GRIP1: variants seen among roughly 807,000 people sequenced by gnomAD.
GRIP1 encodes the protein glutamate receptor-interacting protein 1.
In GRIP1, 45 loss-of-function variants were observed where a neutral mutation model predicts 129.9. The ratio of observed to expected loss-of-function variants is 0.35; its 90% CI spans 0.27 to 0.44. The LOEUF (loss-of-function observed/expected upper bound fraction) is 0.44, where lower values mean the gene tolerates loss of function less well. GRIP1 is among the 20% of genes least tolerant of loss of function. The pLI is 1.00. For synonymous variants in GRIP1, 530 were observed against 520.8 expected, an observed-to-expected ratio of 1.02 and a Z score of -0.24; for missense variants, 1,196 against 1,396.8, an observed-to-expected ratio of 0.86 and a Z score of 2.29.
chr12:66,490,634 A>G (rs1394955838), intron 7 of GRIP1, among the ~76,000 whole-genome samples: 1 of 152,198 alleles, frequency 6.6e-6, no homozygotes, highest in African/African-American at 2.4e-5. Context: ...TAAACTAAAG[A>G]GCTTCTGCAT....
At chr12:66,629,712 C>T (rs905478594) in intron 1 of GRIP1, among the ~76,000 whole-genome samples, 1 of 152,214 alleles carries the variant, frequency 6.6e-6, no homozygotes, top group Non-Finnish European at 1.5e-5. Context: ...GACCTACTTT[C>T]ATCCAGAAAT....
intron 1 of GRIP1, among the ~76,000 whole-genome samples, chr12:66,837,722 T>A (rs970679591): frequency 6.6e-6 from 1 of 151,912 alleles, no homozygotes; most frequent in Non-Finnish European, 1.5e-5. Context: ...TGTAGGGAGG[T>A]AGTTAGAAGC....
intron 19 of GRIP1, among the ~76,000 whole-genome samples, chr12:66,384,212 A>G (rs1369293992): frequency 6.6e-6 from 1 of 151,962 alleles, no homozygotes; most frequent in African/African-American, 2.4e-5. Flanking sequence ...AAATGTCTAG[A>G]CTTGGGTTGA....
intron 2 of GRIP1, among the ~76,000 whole-genome samples, chr12:66,559,373 C>T (rs768706724): frequency 6.6e-6 from 1 of 151,944 alleles, no homozygotes; most frequent in Non-Finnish European, 1.5e-5. Flanking sequence ...GCATCCAAAT[C>T]GGAAAGGAAG....
chr12:66,503,005 G>T (rs566662794), intron 7 of GRIP1, among the ~76,000 whole-genome samples: 1 of 152,136 alleles, frequency 6.6e-6, no homozygotes, highest in Non-Finnish European at 1.5e-5. Flanking sequence ...GGAATGTCAG[G>T]TGATTATCAG....
intron 1 of GRIP1, among the ~76,000 whole-genome samples, chr12:66,954,028 A>G (rs1376019527): frequency 6.6e-6 from 1 of 152,130 alleles, no homozygotes; most frequent in Non-Finnish European, 1.5e-5. Flanking sequence ...TTTCTCTGAG[A>G]ATTCTCCACC....
At chr12:66,519,206 C>T (rs1426391779) in intron 5 of GRIP1, among the ~76,000 whole-genome samples, 16 of 152,212 alleles carry the variant, frequency 1.1e-4, no homozygotes, top group Middle Eastern at 3.2e-3. Flanking sequence ...CTCACTTCTA[C>T]GACAAGTGAT....
At chr12:66,732,569 AC>A (rs2036473501) in intron 1 of GRIP1, among the ~76,000 whole-genome samples, 1 of 152,036 alleles carries the variant, frequency 6.6e-6, no homozygotes, top group African/African-American at 2.4e-5. Flanking sequence ...CAAAAAAAAA[AC>A]AAAAGAATGA....
At chr12:66,638,978 T>C (rs1208588998) in intron 1 of GRIP1, among the ~76,000 whole-genome samples, 1 of 152,226 alleles carries the variant, frequency 6.6e-6, no homozygotes, top group East Asian at 1.9e-4. Flanking sequence ...CTACGAGGAT[T>C]AAACAATATA....
chr12:66,910,184 C>T (rs1361711254), intron 1 of GRIP1, among the ~76,000 whole-genome samples: 2 of 152,144 alleles, frequency 1.3e-5, no homozygotes, highest in Admixed American at 1.3e-4. Context: ...TCCTAGCATT[C>T]ATTATTCTCC....
At chr12:66,830,724 A>G (rs1471230380) in intron 1 of GRIP1, among the ~76,000 whole-genome samples, 1 of 151,506 alleles carries the variant, frequency 6.6e-6, no homozygotes, top group Non-Finnish European at 1.5e-5. Flanking sequence ...AGAAAACAGA[A>G]GCACAGGGAA....
At chr12:66,703,571 T>C (rs2035426364) in intron 1 of GRIP1, among the ~76,000 whole-genome samples, 1 of 151,718 alleles carries the variant, frequency 6.6e-6, no homozygotes, top group African/African-American at 2.4e-5. Flanking sequence ...GGAATATGAA[T>C]GACAGAGGAT....
intron 23 of GRIP1, among the ~76,000 whole-genome samples, chr12:66,358,213 C>G (rs1222301923): frequency 6.6e-6 from 1 of 152,072 alleles, no homozygotes; most frequent in East Asian, 1.9e-4. Flanking sequence ...GCATTTCAAT[C>G]AGTTGCATTA....
chr12:66,503,995 G>A (rs907725265), intron 7 of GRIP1, among the ~76,000 whole-genome samples: 5 of 150,416 alleles, frequency 3.3e-5, no homozygotes, highest in African/African-American at 4.9e-5. Flanking sequence ...TGTGTAGAGC[G>A]GGAATCACAA....
At chr12:66,790,536 G>A (rs2038498030) in intron 1 of GRIP1, among the ~76,000 whole-genome samples, 3 of 152,080 alleles carry the variant, frequency 2.0e-5, no homozygotes, top group Admixed American at 6.6e-5. Flanking sequence ...TACCCCGGGT[G>A]CAGAGGGAAT....
At chr12:66,710,852 A>G (rs1162457203) in intron 1 of GRIP1, among the ~76,000 whole-genome samples, 1 of 151,954 alleles carries the variant, frequency 6.6e-6, no homozygotes, top group Admixed American at 6.6e-5. Context: ...ATGAGTTTGA[A>G]TATCTCTGAA....
chr12:66,724,636 T>C (rs1488664653), intron 1 of GRIP1, among the ~76,000 whole-genome samples: 2 of 152,170 alleles, frequency 1.3e-5, no homozygotes, highest in African/African-American at 4.8e-5. Flanking sequence ...CTGATGACCA[T>C]GCAGTATTCT....
rs2040169081 is a variant in GRIP1, at chr12:66,864,561, A to AT, written c.58+204488_58+204489insA. On this transcript the variant is annotated intron_variant, in intron 1 of 1. Coordinates refer to the GRIP1 transcript ENST00000643019. ...TGAGACCTCATTTCTATTAAAAATAAAAAAAAAATAGCTGGGTATGGTGGT... is the reference window on the plus strand; with the variant it reads ...TGAGACCTCATTTCTATTAAAAATAATAAAAAAAATAGCTGGGTATGGTGGT... Among the ~76,000 whole-genome samples, 9 of 151,044 alleles carry AT rather than the reference A, an allele frequency of 6.0e-5. No individual in the cohort carries two copies. The South Asian group carries it at 1.5e-3, about 25-fold the overall frequency.
At chr12:66,908,815 T>C (rs896503022) in intron 1 of GRIP1, among the ~76,000 whole-genome samples, 1 of 152,060 alleles carries the variant, frequency 6.6e-6, no homozygotes, top group African/African-American at 2.4e-5. Context: ...GATCTAAGAG[T>C]AGTGGAAGCA....
Sources: gnomAD v4.1 joint callset for allele counts (sites outside exome capture counted in the v4.1 genomes callset) on GRCh38, gnomAD v4.1.1 for gene constraint, MANE v1.5 for transcripts, NCBI Gene and HGNC (gene_info 2026-07-23, HGNC 2026-07-21) for gene names.